Variants in ST8SIA5 observed in about 807,000 individuals in gnomAD.
ST8SIA5 encodes ST8 alpha-N-acetyl-neuraminide alpha-2,8-sialyltransferase 5, also known as alpha-2,8-sialyltransferase 8E.
ST8SIA5 carries 24 observed loss-of-function variants against 40.2 expected under a neutral mutation model. The observed-to-expected ratio is 0.60, with a 90% CI of 0.43 to 0.84. ST8SIA5 has a LOEUF of 0.84. ST8SIA5 is among the 40% of genes least tolerant of loss of function. ST8SIA5 has a pLI of 0.00. For synonymous variants in ST8SIA5, 198 were observed against 201.8 expected, an observed-to-expected ratio of 0.98 and a Z score of 0.16; for missense variants, 465 against 498.5, an observed-to-expected ratio of 0.93 and a Z score of 0.64.
chr18:46,686,110 G>T, intron 5 of ST8SIA5, 64 bp downstream of exon 5: 1 of 1,511,492 alleles, frequency 6.6e-7, no homozygotes. Context: ...TAGGGAACCG[G>T]GGGAAGAATA....
At chr18:46,706,044 T>C (rs2039667205) in intron 1 of ST8SIA5, among the ~76,000 whole-genome samples, 1 of 152,142 alleles carries the variant, frequency 6.6e-6, no homozygotes, top group Non-Finnish European at 1.5e-5. Flanking sequence ...ATCATTGTAT[T>C]TGTATTGTCA....
chr18:46,740,475 A>T (rs1001475125), intron 1 of ST8SIA5, among the ~76,000 whole-genome samples: 37 of 152,170 alleles, frequency 2.4e-4, no homozygotes, highest in African/African-American at 8.7e-4. Context: ...GGTATTAAAA[A>T]CTGTAAGTAT....
At chr18:46,688,706 T>C (rs2039472419) in intron 4 of ST8SIA5, 69 bp downstream of exon 4, 1 of 1,548,508 alleles carries the variant, frequency 6.5e-7, no homozygotes. Context: ...CCCAGGGACA[T>C]TGCCACGGAG....
intron 2 of ST8SIA5, among the ~76,000 whole-genome samples, chr18:46,701,295 C>T (rs553395875): frequency 5.3e-5 from 8 of 151,994 alleles, no homozygotes. Context: ...TGCGTGCCAC[C>T]ATGCCTAGCT....
At chr18:46,712,947 A>G (rs970656856) in intron 1 of ST8SIA5, among the ~76,000 whole-genome samples, 5 of 152,238 alleles carry the variant, frequency 3.3e-5, no homozygotes, top group Admixed American at 2.6e-4. Flanking sequence ...ATGTGTGGGA[A>G]GAACTTCCCA....
At chr18:46,698,138 C>T (rs1438713211) in intron 2 of ST8SIA5, among the ~76,000 whole-genome samples, 1 of 149,752 alleles carries the variant, frequency 6.7e-6, no homozygotes, top group African/African-American at 2.5e-5. Flanking sequence ...CACCAGCAAT[C>T]AAACCAACCC....
intron 1 of ST8SIA5, among the ~76,000 whole-genome samples, chr18:46,744,210 A>G (rs1433929538): frequency 6.6e-6 from 1 of 152,218 alleles, no homozygotes; most frequent in Non-Finnish European, 1.5e-5. Context: ...ATTCACACAT[A>G]ACAATATTAA....
At chr18:46,726,764 A>G (rs990566127) in intron 1 of ST8SIA5, among the ~76,000 whole-genome samples, 73 of 152,064 alleles carry the variant, frequency 4.8e-4, no homozygotes, top group African/African-American at 1.6e-3. Context: ...TAAAAATACA[A>G]AAAAATTAGC....
intron 5 of ST8SIA5, 152 bp downstream of exon 5, chr18:46,686,022 T>C: frequency 2.8e-6 from 2 of 702,392 alleles, no homozygotes; most frequent in East Asian, 5.4e-5. Flanking sequence ...GGGATGGGGC[T>C]GGAGAGAAGA....
chr18:46,749,513 G>A (rs1453831225), intron 1 of ST8SIA5, among the ~76,000 whole-genome samples: 1 of 152,078 alleles, frequency 6.6e-6, no homozygotes, highest in Non-Finnish European at 1.5e-5. Context: ...TGGTAGTAAT[G>A]AAAGAAAGAA....
chr18:46,718,470 ACCTT>A (rs1394607002), intron 1 of ST8SIA5, among the ~76,000 whole-genome samples: 10 of 121,856 alleles, frequency 8.2e-5, no homozygotes, highest in African/African-American at 3.3e-4. Context: ...TATAGCTCAC[ACCTT>A]TCTAATTCAG....
Position 46,679,820 on chromosome 18 carries a change from G to A in ST8SIA5, c.*222C>T. On this transcript the variant is annotated 3_prime_UTR_variant, in exon 7 of 7. Coordinates refer to ENST00000315087, the MANE Select transcript of ST8SIA5 (RefSeq NM_013305.6). Reference sequence around the variant, plus strand: ...GGGCAGGTGGACGCACTGGGCGGATGCACCGGTGGGGGCCAGGCCAGGAGG... The same window carrying A: ...GGGCAGGTGGACGCACTGGGCGGATACACCGGTGGGGGCCAGGCCAGGAGG... 1 of 581,246 alleles carries A rather than the reference G, an allele frequency of 1.7e-6. No homozygotes were observed. Among genetic ancestry groups the A allele is most frequent in the South Asian group, 2.1e-5 (1 of 48,236 alleles). The allele number at this position is 581,246 out of a possible 1,614,324, so 36.0% of individuals were successfully genotyped here.
chr18:46,732,497 T>G (rs745611211), intron 1 of ST8SIA5, among the ~76,000 whole-genome samples: 67 of 152,274 alleles, frequency 4.4e-4, no homozygotes, highest in Non-Finnish European at 7.9e-4. Context: ...TCACCTTTAC[T>G]GCTATCCTCA....
At chr18:46,699,508 T>C (rs947577190) in intron 2 of ST8SIA5, among the ~76,000 whole-genome samples, 1 of 151,872 alleles carries the variant, frequency 6.6e-6, no homozygotes, top group African/African-American at 2.4e-5. Flanking sequence ...GCCTCCCGAG[T>C]AGCTGGGAAT....
chr18:46,683,885 G>A lies in ST8SIA5; in HGVS notation c.570-1821C>T, dbSNP rs1033432750. Among the ~76,000 whole-genome samples the A allele has an allele frequency of 3.9e-5, 6 of 152,284 alleles. No homozygotes were observed. In the South Asian group the frequency reaches 6.2e-4, roughly 16 times the overall value. On this transcript the variant is annotated intron_variant, in intron 5 of 6. Coordinates refer to ENST00000315087, the MANE Select transcript of ST8SIA5 (RefSeq NM_013305.6). ...CACTGTGTTGCAAATGAGAAACCAG[G>A]CATTCAGAGGGTCAAGGGACTTGCT...
chr18:46,719,119 A>T (rs1290226385), intron 1 of ST8SIA5, among the ~76,000 whole-genome samples: 1 of 152,184 alleles, frequency 6.6e-6, no homozygotes, highest in Non-Finnish European at 1.5e-5. Context: ...AAAATGTGGG[A>T]GGTGTGGTCA....
At chr18:46,750,746 A>G (rs2040187956) in intron 1 of ST8SIA5, among the ~76,000 whole-genome samples, 1 of 152,046 alleles carries the variant, frequency 6.6e-6, no homozygotes, top group Non-Finnish European at 1.5e-5. Context: ...CTCGGCTTCC[A>G]GAGCCAGCTC....
chr18:46,750,268 TTTAAA>T (rs1035419800), intron 1 of ST8SIA5, among the ~76,000 whole-genome samples: 2 of 152,176 alleles, frequency 1.3e-5, no homozygotes, highest in African/African-American at 4.8e-5. Context: ...TTTTCCTACC[TTTAAA>T]TAAACATTGC....
At chr18:46,692,885 T>G in intron 2 of ST8SIA5, among the ~76,000 whole-genome samples, 1 of 98,252 alleles carries the variant, frequency 1.0e-5, no homozygotes. Flanking sequence ...ACCCTAATCA[T>G]CCCAGGGCCA....
Sources: allele counts gnomAD v4.1 joint callset (sites outside exome capture counted in the v4.1 genomes callset), GRCh38; gene constraint gnomAD v4.1.1; transcripts MANE v1.5; gene names NCBI Gene and HGNC (gene_info 2026-07-23, HGNC 2026-07-21).